The following SNX29 variants were observed in gnomAD, a reference collection of about 807,000 sequenced individuals.
SNX29 encodes the protein sorting nexin-29.
Under a neutral mutation model 102.1 loss-of-function variants are expected in SNX29, and 78 were observed. The ratio of observed to expected loss-of-function variants is 0.76; its 90% CI spans 0.64 to 0.92. The LOEUF (loss-of-function observed/expected upper bound fraction) is 0.92. Among genes scored for constraint, SNX29 ranks in the 40% least tolerant of loss-of-function variants. The probability of loss-of-function intolerance (pLI) is 0.00; values close to 1 mark genes in which losing one functional copy is unlikely to be tolerated. For synonymous variants in SNX29, 580 were observed against 414.5 expected (o/e 1.40, Z -4.85); for missense variants, 1,280 against 1,061.7 (o/e 1.21, Z -2.86).
chr16:12,540,220 A>T (rs1323700058), intron 20 of SNX29, among the ~76,000 whole-genome samples: 2 of 152,100 alleles, frequency 1.3e-5, no homozygotes, highest in Non-Finnish European at 2.9e-5. Flanking sequence ...AGGTTAACCT[A>T]CTTCCTGTGG....
At chr16:12,550,167 A>G (rs1043700340) in intron 20 of SNX29, among the ~76,000 whole-genome samples, 2 of 152,198 alleles carry the variant, frequency 1.3e-5, no homozygotes, top group East Asian at 1.9e-4. Flanking sequence ...AGTGATATGG[A>G]AAAAATCTCC....
chr16:12,053,525 T>C (rs1283388785), intron 8 of SNX29, among the ~76,000 whole-genome samples: 2 of 152,064 alleles, frequency 1.3e-5, no homozygotes, highest in Non-Finnish European at 2.9e-5. Flanking sequence ...CAAGACTCTG[T>C]CTCTACAAAA....
At chr16:12,551,755 C>G (rs906931955) in intron 20 of SNX29, among the ~76,000 whole-genome samples, 2 of 152,220 alleles carry the variant, frequency 1.3e-5, no homozygotes, top group Admixed American at 6.5e-5. Flanking sequence ...TCCTGGCTGC[C>G]TTGTACACAT....
At chr16:12,355,875 A>AAAG (rs2082119929) in intron 15 of SNX29, among the ~76,000 whole-genome samples, 11 of 136,118 alleles carry the variant, frequency 8.1e-5, no homozygotes, top group South Asian at 2.3e-4. Flanking sequence ...AAAAAAAAAA[A>AAAG]AGAGAGAGGA....
intron 14 of SNX29, among the ~76,000 whole-genome samples, chr16:12,233,323 A>C (rs1171714142): frequency 6.6e-6 from 1 of 152,206 alleles, no homozygotes; most frequent in African/African-American, 2.4e-5. Context: ...TATCCTAAGC[A>C]AATTAGTGCC....
At chr16:12,298,283 G>T (rs530352968) in intron 15 of SNX29, among the ~76,000 whole-genome samples, 2 of 152,260 alleles carry the variant, frequency 1.3e-5, no homozygotes, top group African/African-American at 2.4e-5. Flanking sequence ...ATGAATAACT[G>T]GTATGATGAT....
At chr16:12,233,863 G>A (rs1043686410) in intron 14 of SNX29, among the ~76,000 whole-genome samples, 1 of 152,022 alleles carries the variant, frequency 6.6e-6, no homozygotes. Context: ...AGTGTATGGC[G>A]GTTTGTGATA....
intron 20 of SNX29, among the ~76,000 whole-genome samples, chr16:12,542,708 C>T (rs58738016): frequency 0.011 from 1,636 of 151,756 alleles, 27 homozygotes; most frequent in African/African-American, 0.038. Flanking sequence ...GGTGTTGGTC[C>T]CAGTCTTTTA....
rs377344906 is a variant in SNX29 at position 12,043,094 on chromosome 16, C to T, written c.428+17C>T. 2.1e-4 allele frequency: 343 copies of T among 1,611,834 alleles called. No homozygotes were observed. The highest frequency in any genetic ancestry group is 2.3e-4 in the Non-Finnish European group (273 of 1,179,536). On this transcript the variant is annotated intron_variant, in intron 5 of 20. Transcript: ENST00000566228. ...CAGGCTGAGGTACGTGGCCGGGATG[C>T]GAACTGGGATGGGATGGAGCAAGAG... is the stretch of plus-strand genomic sequence containing the variant.
At chr16:12,558,233 C>A (rs922736266) in intron 20 of SNX29, among the ~76,000 whole-genome samples, 2 of 18,648 alleles carry the variant, frequency 1.1e-4, no homozygotes, top group Admixed American at 3.8e-4. Context: ...TCTCTTCAGC[C>A]CCCCCAGTAG....
At chr16:12,544,308 G>T (rs1485728146) in intron 20 of SNX29, among the ~76,000 whole-genome samples, 3 of 152,290 alleles carry the variant, frequency 2.0e-5, no homozygotes, top group East Asian at 3.9e-4. Context: ...CACAGGGGAA[G>T]GTGGACCCCA....
chr16:12,041,429 C>T (rs1429959381), intron 4 of SNX29, among the ~76,000 whole-genome samples: 1 of 152,216 alleles, frequency 6.6e-6, no homozygotes, highest in Non-Finnish European at 1.5e-5. Flanking sequence ...TTCTTTTCTT[C>T]TGGCTGCTGT....
intron 14 of SNX29, among the ~76,000 whole-genome samples, chr16:12,216,105 A>C (rs573036713): frequency 2.0e-5 from 3 of 152,382 alleles, no homozygotes; most frequent in Admixed American, 6.5e-5. Flanking sequence ...GTTGAAAAAC[A>C]ATTTGTGTTT....
chr16:12,511,527 C>T (rs2089618863), intron 19 of SNX29, among the ~76,000 whole-genome samples: 1 of 152,136 alleles, frequency 6.6e-6, no homozygotes, highest in African/African-American at 2.4e-5. Context: ...TGTAACTGGG[C>T]CTTCAGCTCC....
At chr16:12,395,918 T>C (rs182885305) in intron 16 of SNX29, among the ~76,000 whole-genome samples, 24 of 152,368 alleles carry the variant, frequency 1.6e-4, no homozygotes, top group Admixed American at 1.0e-3. Context: ...CGGCCTTTAA[T>C]TATCATCATG....
At chr16:12,031,374 A>G (rs1471740077) in intron 4 of SNX29, among the ~76,000 whole-genome samples, 1 of 151,890 alleles carries the variant, frequency 6.6e-6, no homozygotes, top group South Asian at 2.1e-4. Flanking sequence ...TCCTGGCCCA[A>G]TCCTGTATTT....
chr16:12,164,258 G>A (rs1168122527), intron 13 of SNX29, among the ~76,000 whole-genome samples: 1 of 152,082 alleles, frequency 6.6e-6, no homozygotes, highest in Non-Finnish European at 1.5e-5. Flanking sequence ...ATGTGAGAGG[G>A]CAATGAGGTA....
intron 15 of SNX29, among the ~76,000 whole-genome samples, chr16:12,308,851 T>G (rs1162409199): frequency 6.6e-6 from 1 of 152,172 alleles, no homozygotes; most frequent in Non-Finnish European, 1.5e-5. Flanking sequence ...GCTGCAAGTG[T>G]GATTATGTAA....
intron 18 of SNX29, among the ~76,000 whole-genome samples, chr16:12,404,783 A>T (rs1298682712): frequency 1.3e-5 from 2 of 152,164 alleles, no homozygotes. Flanking sequence ...TCTATCTTGT[A>T]AAACTGTTTT....
Sources: gnomAD v4.1 joint callset for allele counts (sites outside exome capture counted in the v4.1 genomes callset) on GRCh38, gnomAD v4.1.1 for gene constraint, MANE v1.5 for transcripts, NCBI Gene and HGNC (gene_info 2026-07-23, HGNC 2026-07-21) for gene names.